Variants in CACFD1 observed in about 807,000 individuals in gnomAD.
CACFD1 encodes the protein calcium channel flower homolog.
In CACFD1, 26 loss-of-function variants were observed where a neutral mutation model predicts 21.3. The ratio of observed to expected loss-of-function variants is 1.22; its 90% CI spans 0.89 to 1.69. The LOEUF is 1.69. CACFD1 is among the 40% of genes most tolerant of loss of function. The pLI is 0.00. For synonymous variants in CACFD1, 121 were observed against 106.6 expected (o/e 1.13, Z -0.83); for missense variants, 265 against 236.2 (o/e 1.12, Z -0.80).
At chr9:133,467,850 GT>G (rs1843499475) in intron 3 of CACFD1, 70 bp from the exon 4 acceptor site, 11 of 1,147,052 alleles carry the variant, frequency 9.6e-6, no homozygotes, top group Non-Finnish European at 1.4e-5. Flanking sequence ...GCTGGGCCGA[GT>G]CTGGGAAGCG....
chr9:133,461,370 CACA>C lies in CACFD1; in HGVS notation c.121+1185_121+1187del, dbSNP rs1554798496. Reference sequence around the variant, plus strand: ...GGTAGGGCAGGCCCTACCCCCAAATCACAAAAAGGCCCCGAGTTTGTGTCACTG... The same window carrying C: ...GGTAGGGCAGGCCCTACCCCCAAATCAAAAGGCCCCGAGTTTGTGTCACTG... On this transcript the variant is annotated intron_variant, in intron 1 of 4. Coordinates refer to ENST00000316948, the MANE Select transcript of CACFD1 (RefSeq NM_017586.5). 2.0e-5 allele frequency among the ~76,000 whole-genome samples: 3 copies of C among 152,360 alleles called. No homozygotes were observed. In the East Asian group the frequency reaches 5.8e-4, roughly 29 times the overall value.
chr9:133,467,539 G>A (rs915793469), intron 3 of CACFD1, among the ~76,000 whole-genome samples: 2 of 152,196 alleles, frequency 1.3e-5, no homozygotes, highest in South Asian at 2.1e-4. Context: ...TCCCCTCTCC[G>A]CGGTGGAGAT....
chr9:133,468,571 C>G lies in CACFD1; in HGVS notation c.437C>G (p.Ala146Gly). ...CCTCTCTCTCTCCCCAGGGGCGATGCGATCTCCTATGCCAGGATCCAGCAG... is the reference window on the plus strand; with the variant it reads ...CCTCTCTCTCTCCCCAGGGGCGATGGGATCTCCTATGCCAGGATCCAGCAG... ...GLSALGKKGD[A>G]ISYARIQQQR... is the part of the protein sequence containing the mutation. Residue 146 changes from alanine (A) to glycine (G), a missense_variant, in exon 5 of 5, where the codon GCG becomes GGG. Ala to Gly is a moderately conservative substitution (Grantham distance 60). Transcript: ENST00000316948. 1.3e-6 allele frequency: 2 copies of G among 1,582,114 alleles called. No individual in the cohort carries two copies. Among genetic ancestry groups the G allele is most frequent in the Non-Finnish European group, 1.7e-6 (2 of 1,166,086 alleles).
intron 1 of CACFD1, 37 bp downstream of exon 1, chr9:133,460,224 G>T: frequency 2.0e-6 from 3 of 1,494,828 alleles, no homozygotes; most frequent in Non-Finnish European, 2.7e-6. Flanking sequence ...CGGCCCCGCC[G>T]CGCATGCGCT....
In CACFD1 at chr9:133,460,460, G is replaced by GGGCGGGGGGGC. The variant is rs1276030752; in HGVS notation, c.121+282_121+292dup. 8.7e-3 allele frequency among the ~76,000 whole-genome samples: 1,165 copies of GGGCGGGGGGGC among 134,124 alleles called. 17 individuals are homozygous for GGGCGGGGGGGC. Among genetic ancestry groups the GGGCGGGGGGGC allele is most frequent in the African/African-American group, 0.029 (1,113 of 38,092 alleles). 88.0% of individuals were successfully genotyped at this position (134,124 alleles called of 152,430 possible). A position where few individuals can be genotyped will look rare whatever the true frequency, so the allele number is the denominator to read the frequency against. On this transcript the variant is annotated intron_variant, in intron 1 of 4. Transcript: ENST00000316948. ...ATTCCCGGAGGGACCAGAAACCCCAGGGCGGGGGGGCGGCGGGGGCGGGGG... is the reference window on the plus strand; with the variant it reads ...ATTCCCGGAGGGACCAGAAACCCCAGGGCGGGGGGGCGGCGGGGGGGCGGCGGGGGCGGGGG...
intron 1 of CACFD1, chr9:133,462,186 C>T (rs1554798676): frequency 7.7e-7 from 1 of 1,304,218 alleles, no homozygotes. Flanking sequence ...AGGCCAAATG[C>T]TGACTGCAGC....
Position 133,468,830 on chromosome 9 carries a change from GT to G in CACFD1, c.*178del. Reference sequence around the variant, plus strand: ...TTAAGCCAGGAGCCACTGGCTGCTGGTGTGAGGGTCTGGGCTGCTGGACTTG... The same window carrying G: ...TTAAGCCAGGAGCCACTGGCTGCTGGGTGAGGGTCTGGGCTGCTGGACTTG... On this transcript the variant is annotated 3_prime_UTR_variant, in exon 5 of 5. Transcript: ENST00000316948. 8.8e-7 allele frequency: 1 copy of G among 1,137,562 alleles called. No homozygotes were observed. The allele number at this position is 1,137,562 out of a possible 1,614,324, so 70.5% of individuals were successfully genotyped here. A position where few individuals can be genotyped will look rare whatever the true frequency, so the allele number is the denominator to read the frequency against.
chr9:133,463,554 A>C lies in CACFD1; in HGVS notation c.193A>C (p.Ile65Leu), dbSNP rs782648179. The C allele has an allele frequency of 1.2e-6, 2 of 1,613,892 alleles. No homozygotes were observed. Among genetic ancestry groups the C allele is most frequent in the South Asian group, 1.1e-5 (1 of 91,082 alleles). The change falls in exon 2 of 5, where the codon ATC (isoleucine) becomes CTC (leucine). Residue 65 changes from isoleucine (I) to leucine (L), a missense_variant and splice_region_variant. Transcript: ENST00000316948. ...PLNIAAGVWM[I>L]MNAFILLLCE... is the part of the protein sequence containing the mutation. The stretch of plus-strand genomic sequence containing the variant: ...GAACATTGCGGCCGGCGTGTGGATG[A>C]TGTGAGTAATGCATGGCCGTCCCAC...
At chr9:133,464,565 A>G (rs1843356042) in intron 2 of CACFD1, among the ~76,000 whole-genome samples, 1 of 152,050 alleles carries the variant, frequency 6.6e-6, no homozygotes, top group Admixed American at 6.5e-5. Flanking sequence ...TCTGTTACAC[A>G]GGCATAATGA....
chr9:133,465,294 T>C lies in CACFD1; in HGVS notation c.195-28T>C, dbSNP rs781793770. On this transcript the variant is annotated intron_variant, in intron 2 of 4. Transcript: ENST00000316948. This position sits in a 1 kb window ranked among gnomAD's most constrained non-coding sequence, Gnocchi z 5.0. ...TCATCCTCCTGGGATTGTCAGTCGC[T>C]GCTCTTCTCCTGCCCTGGTCCCTGC... 1.2e-5 allele frequency: 19 copies of C among 1,613,152 alleles called. No homozygotes were observed. Among genetic ancestry groups the C allele is most frequent in the Non-Finnish European group, 1.5e-5 (18 of 1,179,882 alleles).
intron 3 of CACFD1, among the ~76,000 whole-genome samples, chr9:133,467,293 C>T (rs1843476211): frequency 6.6e-6 from 1 of 152,180 alleles, no homozygotes; most frequent in Non-Finnish European, 1.5e-5. Context: ...GACGCTTAAG[C>T]CCCAGTGGAC....
intron 4 of CACFD1, 46 bp from the exon 5 acceptor site, chr9:133,468,517 G>C (rs781814363): frequency 6.4e-7 from 1 of 1,551,882 alleles, no homozygotes; most frequent in Non-Finnish European, 8.7e-7. Flanking sequence ...AGGGCTGTGG[G>C]CATGGGGCTG....
chr9:133,461,836 G>C, intron 1 of CACFD1: 3 of 982,908 alleles, frequency 3.1e-6, no homozygotes, highest in Non-Finnish European at 3.6e-6. Flanking sequence ...AAAATGCAGG[G>C]TGTTTTAGAG....
At chr9:133,468,448 A>C (rs1366795977) in intron 4 of CACFD1, 115 bp from the exon 5 acceptor site, 3 of 1,536,580 alleles carry the variant, frequency 2.0e-6, no homozygotes, top group African/African-American at 2.7e-5. Context: ...TCTCTGGGGA[A>C]ATCAGAATGC....
Position 133,465,263 on chromosome 9 carries a change from C to T in CACFD1, c.195-59C>T. 3 of 1,601,698 alleles carry T rather than the reference C, an allele frequency of 1.9e-6. No individual in the cohort carries two copies. ...TTCCTTATGGCACTGGCACTGGGGGCCGCCCTCATCCTCCTGGGATTGTCA... is the reference window on the plus strand; with the variant it reads ...TTCCTTATGGCACTGGCACTGGGGGTCGCCCTCATCCTCCTGGGATTGTCA... On this transcript the variant is annotated intron_variant, in intron 2 of 4. Coordinates refer to ENST00000316948, the MANE Select transcript of CACFD1 (RefSeq NM_017586.5). This position sits in a 1 kb window ranked among gnomAD's most constrained non-coding sequence, Gnocchi z 5.0.
At position 133,459,978 on chromosome 9, in the gene CACFD1, C is replaced by G; in HGVS notation, c.-89C>G. The G allele has an allele frequency of 1.4e-6, 2 of 1,414,688 alleles. No homozygotes were observed. Among genetic ancestry groups the G allele is most frequent in the Non-Finnish European group, 1.9e-6 (2 of 1,078,180 alleles). 87.6% of individuals were successfully genotyped at this position (1,414,688 alleles called of 1,614,324 possible). A position where few individuals can be genotyped will look rare whatever the true frequency, so the allele number is the denominator to read the frequency against. Reference sequence around the variant, plus strand: ...GCCCCGCCCCCTATGCTAATATGCTCCCTCTCCCACAAGGCAGCGCGCCGG... The same window carrying G: ...GCCCCGCCCCCTATGCTAATATGCTGCCTCTCCCACAAGGCAGCGCGCCGG... On this transcript the variant is annotated 5_prime_UTR_variant, in exon 1 of 5. Coordinates refer to ENST00000316948, the MANE Select transcript of CACFD1 (RefSeq NM_017586.5).
intron 3 of CACFD1, 149 bp from the exon 4 acceptor site, chr9:133,467,772 A>G (rs992472550): frequency 3.3e-6 from 2 of 614,526 alleles, no homozygotes; most frequent in African/African-American, 3.7e-5. Context: ...CTGATGAAGG[A>G]CTTTCTGAAG....
Position 133,465,635 on chromosome 9 carries a change from C to T in CACFD1, c.320+188C>T, listed in dbSNP as rs999556231. 10 of 610,740 alleles carry T rather than the reference C, an allele frequency of 1.6e-5. No individual in the cohort carries two copies. The highest frequency in any genetic ancestry group is 2.6e-5 in the Non-Finnish European group (9 of 351,394). 37.8% of individuals were successfully genotyped at this position (610,740 alleles called of 1,614,324 possible). On this transcript the variant is annotated intron_variant, in intron 3 of 4. Coordinates refer to ENST00000316948, the MANE Select transcript of CACFD1 (RefSeq NM_017586.5). This position sits in a 1 kb window ranked among gnomAD's most constrained non-coding sequence, Gnocchi z 5.0. ...AAACGTGCCCCAGTGGTTCTGCGCCCAGGAACTCAGCTGTCGCTGTGCCGT... is the reference window on the plus strand; with the variant it reads ...AAACGTGCCCCAGTGGTTCTGCGCCTAGGAACTCAGCTGTCGCTGTGCCGT...
intron 1 of CACFD1, among the ~76,000 whole-genome samples, chr9:133,461,355 G>T (rs984404903): frequency 6.6e-6 from 1 of 152,236 alleles, no homozygotes; most frequent in Admixed American, 6.5e-5. Flanking sequence ...GGTAGGGCAG[G>T]CCCTACCCCC....
Sources: gnomAD v4.1 joint callset for allele counts (sites outside exome capture counted in the v4.1 genomes callset) on GRCh38, gnomAD v4.1.1 for gene constraint, Gnocchi (gnomAD v3.1) non-coding constraint, MANE v1.5 for transcripts, NCBI Gene and HGNC (gene_info 2026-07-23, HGNC 2026-07-21) for gene names.